The following DLG1 variants were observed in gnomAD, a reference collection of about 807,000 sequenced individuals.
The protein encoded by DLG1 is disks large homolog 1.
DLG1 carries 42 observed loss-of-function variants against 123.4 expected under a neutral mutation model. That is an observed-to-expected ratio of 0.34 (90% CI 0.27 to 0.44). The LOEUF (loss-of-function observed/expected upper bound fraction) is 0.44. Ranked by LOEUF, DLG1 falls within the 20% of genes least tolerant of loss-of-function variation. The probability of loss-of-function intolerance (pLI) is 1.00; values close to 1 mark genes in which losing one functional copy is unlikely to be tolerated. For missense variants in DLG1, 942 were observed against 1,082.6 expected, an observed-to-expected ratio of 0.87 and a Z score of 1.82; for synonymous variants, 317 against 356.2, an observed-to-expected ratio of 0.89 and a Z score of 1.24.
At chr3:197,272,660 C>G (rs1182291904) in intron 4 of DLG1, among the ~76,000 whole-genome samples, 1 of 152,090 alleles carries the variant, frequency 6.6e-6, no homozygotes, top group African/African-American at 2.4e-5. Context: ...AATGGAATAT[C>G]ATACAACAGT....
In DLG1 at chr3:197,085,563, G is replaced by A. The variant is rs1336805649; in HGVS notation, c.1838+17C>T. 1 of 1,612,810 alleles carries A rather than the reference G, an allele frequency of 6.2e-7. No individual in the cohort carries two copies. On this transcript the variant is annotated intron_variant, in intron 16 of 24. Transcript: ENST00000667157. ...ATTTATGTTGCCTCACATTCAAGTG[G>A]TAAGAAACAGGCATACCTGCGTTTA...
At chr3:197,222,949 TAA>T (rs1737903870) in intron 4 of DLG1, among the ~76,000 whole-genome samples, 1 of 152,178 alleles carries the variant, frequency 6.6e-6, no homozygotes, top group Non-Finnish European at 1.5e-5. Flanking sequence ...TCACAAAATA[TAA>T]GTTTCTGATC....
intron 10 of DLG1, among the ~76,000 whole-genome samples, chr3:197,135,448 G>A (rs1187322357): frequency 6.6e-6 from 1 of 152,158 alleles, no homozygotes; most frequent in Non-Finnish European, 1.5e-5. Context: ...ATGTGAAGAA[G>A]GGCGTGTTTG....
chr3:197,291,602 T>C (rs1025642843), intron 3 of DLG1, among the ~76,000 whole-genome samples: 1 of 152,230 alleles, frequency 6.6e-6, no homozygotes, highest in Non-Finnish European at 1.5e-5. Flanking sequence ...GTATTCTTTA[T>C]CAGATTAAAA....
At chr3:197,284,289 A>G (rs1477319138) in intron 3 of DLG1, among the ~76,000 whole-genome samples, 1 of 152,222 alleles carries the variant, frequency 6.6e-6, no homozygotes, top group Admixed American at 6.5e-5. Context: ...ATATACACAC[A>G]TACGCACACA....
intron 5 of DLG1, among the ~76,000 whole-genome samples, chr3:197,181,422 T>C (rs1257196220): frequency 6.6e-6 from 1 of 152,176 alleles, no homozygotes; most frequent in Non-Finnish European, 1.5e-5. Context: ...CATAGGTATA[T>C]ATTATATGCT....
chr3:197,147,726 G>A (rs1488574549), intron 6 of DLG1, among the ~76,000 whole-genome samples: 1 of 151,852 alleles, frequency 6.6e-6, no homozygotes, highest in Non-Finnish European at 1.5e-5. Context: ...AGTATACACT[G>A]CTCAGATGAT....
chr3:197,210,768 A>G (rs551415768), intron 4 of DLG1, among the ~76,000 whole-genome samples: 29 of 145,128 alleles, frequency 2.0e-4, no homozygotes, highest in African/African-American at 6.8e-4. Flanking sequence ...GAAAGAAACA[A>G]TATCAATTTT....
intron 4 of DLG1, among the ~76,000 whole-genome samples, chr3:197,255,492 T>C (rs1362521870): frequency 1.3e-5 from 2 of 152,182 alleles, no homozygotes; most frequent in African/African-American, 2.4e-5. Context: ...GGCTCTACAA[T>C]GTGAATTAAA....
At chr3:197,238,602 C>T (rs1747246467) in intron 4 of DLG1, among the ~76,000 whole-genome samples, 1 of 152,042 alleles carries the variant, frequency 6.6e-6, no homozygotes, top group South Asian at 2.1e-4. Context: ...AATGTCAATC[C>T]ATTTGAAAAG....
At chr3:197,174,340 G>A (rs1365958282) in intron 5 of DLG1, among the ~76,000 whole-genome samples, 1 of 151,916 alleles carries the variant, frequency 6.6e-6, no homozygotes, top group African/African-American at 2.4e-5. Flanking sequence ...CCATGGAAGC[G>A]ACAATTTAAA....
At chr3:197,266,389 T>A (rs1184919265) in intron 4 of DLG1, among the ~76,000 whole-genome samples, 1 of 150,454 alleles carries the variant, frequency 6.6e-6, no homozygotes, top group Non-Finnish European at 1.5e-5. Flanking sequence ...TAGACAAAAA[T>A]AAAAACGAAA....
At chr3:197,248,209 G>A (rs1752698807) in intron 4 of DLG1, among the ~76,000 whole-genome samples, 1 of 152,076 alleles carries the variant, frequency 6.6e-6, no homozygotes, top group African/African-American at 2.4e-5. Flanking sequence ...ACCGCCCCCT[G>A]GCTTTTCTTA....
intron 5 of DLG1, among the ~76,000 whole-genome samples, chr3:197,157,584 G>A (rs1172860764): frequency 3.4e-5 from 5 of 146,724 alleles, no homozygotes; most frequent in African/African-American, 1.3e-4. Flanking sequence ...GTCATAGATT[G>A]GAAGACTTAC....
intron 18 of DLG1, among the ~76,000 whole-genome samples, chr3:197,073,308 A>G (rs1039611884): frequency 6.6e-6 from 1 of 152,190 alleles, no homozygotes. Context: ...TACAACATGG[A>G]AAGTTGTAAA....
intron 5 of DLG1, among the ~76,000 whole-genome samples, chr3:197,190,489 G>T (rs1347806102): frequency 6.6e-6 from 1 of 152,122 alleles, no homozygotes; most frequent in Non-Finnish European, 1.5e-5. Context: ...ATCTGCATTT[G>T]TTTCATCCGC....
intron 12 of DLG1, 70 bp from the exon 13 acceptor site, chr3:197,116,153 A>AGT: frequency 4.2e-6 from 5 of 1,195,974 alleles, no homozygotes; most frequent in Non-Finnish European, 5.9e-6. Flanking sequence ...AGTGAGAACT[A>AGT]CCTACTGATA....
At chr3:197,164,050 C>T (rs969722889) in intron 5 of DLG1, among the ~76,000 whole-genome samples, 6 of 152,030 alleles carry the variant, frequency 3.9e-5, no homozygotes, top group African/African-American at 9.7e-5. Context: ...CAAATTCACA[C>T]AAACTTTAGG....
chr3:197,230,324 C>T (rs1450213546), intron 4 of DLG1, among the ~76,000 whole-genome samples: 1 of 152,036 alleles, frequency 6.6e-6, no homozygotes, highest in Non-Finnish European at 1.5e-5. Flanking sequence ...TTACATATTA[C>T]AGTTCCATGT....
Sources: allele counts gnomAD v4.1 joint callset (sites outside exome capture counted in the v4.1 genomes callset), GRCh38; gene constraint gnomAD v4.1.1; transcripts MANE v1.5; gene names NCBI Gene and HGNC (gene_info 2026-07-23, HGNC 2026-07-21).